SLC12A6: variants seen among roughly 807,000 people sequenced by gnomAD.
The protein encoded by SLC12A6 is solute carrier family 12 member 6, also known as K-Cl cotransporter 3.
In SLC12A6, 66 loss-of-function variants were observed where a neutral mutation model predicts 135.3. The ratio of observed to expected loss-of-function variants is 0.49; its 90% CI spans 0.40 to 0.60. The LOEUF (loss-of-function observed/expected upper bound fraction) is 0.60. Ranked by LOEUF, SLC12A6 falls within the 20% of genes least tolerant of loss-of-function variation. The pLI, the probability that SLC12A6 is intolerant of heterozygous loss-of-function variation, is 0.00. For missense variants in SLC12A6, 1,058 were observed against 1,452.3 expected, an observed-to-expected ratio of 0.73 and a Z score of 4.41; for synonymous variants, 513 against 508.8, an observed-to-expected ratio of 1.01 and a Z score of -0.11.
chr15:34,326,364 C>T (rs986795695), intron 2 of SLC12A6, among the ~76,000 whole-genome samples: 3 of 151,488 alleles, frequency 2.0e-5, no homozygotes, highest in Admixed American at 1.3e-4. Context: ...CTAGTCAACA[C>T]AAAAAAAGTG....
intron 3 of SLC12A6, among the ~76,000 whole-genome samples, chr15:34,266,859 TA>T (rs1350946029): frequency 4.6e-5 from 7 of 152,240 alleles, no homozygotes; most frequent in Non-Finnish European, 8.8e-5. Flanking sequence ...GTTGGATTTT[TA>T]AAAGTCTGAC....
At chr15:34,319,573 C>T (rs191249198) in intron 2 of SLC12A6, among the ~76,000 whole-genome samples, 99 of 151,868 alleles carry the variant, frequency 6.5e-4, no homozygotes, top group African/African-American at 2.1e-3. Flanking sequence ...CCAAGGTGGG[C>T]GGGTCACCTG....
chr15:34,273,497 A>G (rs1894100373), intron 3 of SLC12A6, among the ~76,000 whole-genome samples: 1 of 152,208 alleles, frequency 6.6e-6, no homozygotes. Flanking sequence ...TCAGCATATA[A>G]ACTCACTAAA....
intron 3 of SLC12A6, among the ~76,000 whole-genome samples, chr15:34,267,151 C>T (rs1454767690): frequency 2.0e-5 from 3 of 151,876 alleles, no homozygotes; most frequent in African/African-American, 4.8e-5. Context: ...TCCTGAACAA[C>T]ACGAAGACTT....
At chr15:34,310,040 A>T (rs887983650) in intron 2 of SLC12A6, among the ~76,000 whole-genome samples, 2 of 148,556 alleles carry the variant, frequency 1.3e-5, no homozygotes, top group African/African-American at 5.1e-5. Flanking sequence ...TCACTTTCTC[A>T]CTTTGTTGCC....
At chr15:34,252,442 A>C in intron 9 of SLC12A6, 58 bp from the exon 10 acceptor site, 1 of 1,042,972 alleles carries the variant, frequency 9.6e-7, no homozygotes, top group South Asian at 1.3e-5. Flanking sequence ...CATTAAAAAA[A>C]AAGGAAACAG....
At position 34,250,328 on chromosome 15, in the gene SLC12A6, G is replaced by T; in HGVS notation, c.1619C>A (p.Ala540Glu). 1 of 1,593,488 alleles carries T rather than the reference G, an allele frequency of 6.3e-7. No individual in the cohort carries two copies. The highest frequency in any genetic ancestry group is 8.6e-7 in the Non-Finnish European group (1 of 1,161,196). ...VYLSNVVLFG[A>E]CIEGVVLRDK... ...TCTGAGAACAACCCCTTCAATACAT[G>T]CACCAAAAAGGACAACATTGCTTAA... The change falls in exon 13 of 26, where the codon GCA becomes GAA. Residue 540 changes from alanine (A) to glutamate (E), a missense_variant. Transcript: ENST00000354181.
At chr15:34,320,740 C>T (rs185060995) in intron 2 of SLC12A6, among the ~76,000 whole-genome samples, 1,889 of 151,666 alleles carry the variant, frequency 0.012, 19 homozygotes, top group Middle Eastern at 0.024. Context: ...CACAGTGAAA[C>T]CCTGTCTCTA....
chr15:34,289,532 T>C (rs347809), intron 2 of SLC12A6, among the ~76,000 whole-genome samples: 58,712 of 152,026 alleles, frequency 0.39, 14,413 homozygotes, highest in African/African-American at 0.71. Flanking sequence ...TTCTATTAAT[T>C]GGAATAGTTT....
chr15:34,235,420 C>G (rs1891185406), intron 24 of SLC12A6, 106 bp from the exon 25 acceptor site: 1 of 732,180 alleles, frequency 1.4e-6, no homozygotes, highest in East Asian at 3.0e-5. Context: ...TATGGATAAT[C>G]TGATAAAATG....
At chr15:34,307,019 G>T (rs913180384) in intron 2 of SLC12A6, among the ~76,000 whole-genome samples, 4 of 152,174 alleles carry the variant, frequency 2.6e-5, no homozygotes, top group Non-Finnish European at 5.9e-5. Context: ...AAGGAATTAG[G>T]TGAGTGGGGC....
chr15:34,271,126 A>C (rs1028257874), intron 3 of SLC12A6, among the ~76,000 whole-genome samples: 15 of 152,192 alleles, frequency 9.9e-5, no homozygotes, highest in Non-Finnish European at 2.2e-4. Context: ...GACACAGCCA[A>C]ACCATATCAG....
At chr15:34,320,666 C>T (rs549646256) in intron 2 of SLC12A6, among the ~76,000 whole-genome samples, 1 of 150,870 alleles carries the variant, frequency 6.6e-6, no homozygotes, top group Admixed American at 6.6e-5. Flanking sequence ...CCTGTAATCC[C>T]AGCACTTTGG....
chr15:34,239,236 A>AT, intron 19 of SLC12A6, 76 bp from the exon 20 acceptor site: 1 of 1,085,844 alleles, frequency 9.2e-7, no homozygotes, highest in South Asian at 1.2e-5. Context: ...TCTCCATATT[A>AT]TATCCCCCAC....
chr15:34,293,888 C>T (rs979140058), intron 2 of SLC12A6, among the ~76,000 whole-genome samples: 20 of 152,178 alleles, frequency 1.3e-4, no homozygotes, highest in African/African-American at 4.6e-4. Context: ...GAGGTGTGAA[C>T]CACCATGCCC....
At chr15:34,295,238 T>C (rs1244706522) in intron 2 of SLC12A6, among the ~76,000 whole-genome samples, 1 of 152,158 alleles carries the variant, frequency 6.6e-6, no homozygotes, top group Non-Finnish European at 1.5e-5. Context: ...TGTGCAACTA[T>C]CCCAGAGCGC....
At position 34,231,586 on chromosome 15, in the gene SLC12A6, T is replaced by G. The variant is rs1890938183; in HGVS notation, c.*2295A>C. 1 of 134,190 alleles carries G rather than the reference T, an allele frequency of 7.5e-6. No homozygotes were observed. Among genetic ancestry groups the G allele is most frequent in the Non-Finnish European group, 1.7e-5 (1 of 59,182 alleles). The allele number at this position is 134,190 out of a possible 1,614,324, so 8.3% of individuals were successfully genotyped here. Reference sequence around the variant, plus strand: ...AATCAAAATTACTCAATTTCTTTCTTTCTTTCTTTTTTTTTTTTTTTGAGA... The same window carrying G: ...AATCAAAATTACTCAATTTCTTTCTGTCTTTCTTTTTTTTTTTTTTTGAGA... On this transcript the variant is annotated 3_prime_UTR_variant, in exon 26 of 26. Coordinates refer to ENST00000354181, the MANE Select transcript of SLC12A6 (RefSeq NM_001365088.1).
intron 2 of SLC12A6, among the ~76,000 whole-genome samples, chr15:34,321,155 T>C (rs201774003): frequency 2.5e-4 from 38 of 152,276 alleles, no homozygotes; most frequent in African/African-American, 8.9e-4. Flanking sequence ...TGCCCTGAGG[T>C]AGGCAACATA....
intron 21 of SLC12A6, 98 bp from the exon 22 acceptor site, chr15:34,237,648 A>G: frequency 1.0e-6 from 1 of 979,412 alleles, no homozygotes; most frequent in South Asian, 1.3e-5. Flanking sequence ...GAACCTTGCT[A>G]TATGTAGTAT....
Sources: allele counts gnomAD v4.1 joint callset (sites outside exome capture counted in the v4.1 genomes callset), GRCh38; gene constraint gnomAD v4.1.1; transcripts MANE v1.5; gene names NCBI Gene and HGNC (gene_info 2026-07-23, HGNC 2026-07-21).